The following CSMD3 variants were observed in gnomAD, a reference collection of about 807,000 sequenced individuals.
CSMD3 encodes the protein CUB and sushi domain-containing protein 3.
CSMD3 carries 177 observed loss-of-function variants against 435.2 expected under a neutral mutation model. The ratio of observed to expected loss-of-function variants is 0.41; its 90% CI spans 0.36 to 0.46. CSMD3 has a LOEUF of 0.46. Ranked by LOEUF, CSMD3 falls within the 20% of genes least tolerant of loss-of-function variation. The pLI, the probability that CSMD3 is intolerant of heterozygous loss-of-function variation, is 0.34. For missense variants in CSMD3, 4,265 were observed against 4,504.6 expected (o/e 0.95, Z 1.52); for synonymous variants, 1,656 against 1,520.5 (o/e 1.09, Z -2.07).
Position 113,009,853 on chromosome 8 carries a change from C to T in CSMD3, c.1030+9214G>A, listed in dbSNP as rs545047774. Among the ~76,000 whole-genome samples the T allele has an allele frequency of 8.0e-4, 121 of 151,728 alleles. 1 individual carries two copies. Among genetic ancestry groups the T allele is most frequent in the African/African-American group, 2.7e-3 (113 of 41,458 alleles). On this transcript the variant is annotated intron_variant, in intron 6 of 70. Transcript: ENST00000297405. Reference sequence around the variant, plus strand: ...TCCTTCTTGAGTTTTTCAATAACAGCCGGTAGTACCTGAACTAATAAAAGG... The same window carrying T: ...TCCTTCTTGAGTTTTTCAATAACAGTCGGTAGTACCTGAACTAATAAAAGG...
chr8:112,615,437 T>C (rs541454804), intron 22 of CSMD3, among the ~76,000 whole-genome samples: 1 of 152,114 alleles, frequency 6.6e-6, no homozygotes, highest in South Asian at 2.1e-4. Context: ...CCTGCAAATT[T>C]TAATTGAGAG....
chr8:113,230,543 T>C (rs16884461), intron 3 of CSMD3, among the ~76,000 whole-genome samples: 7,018 of 151,594 alleles, frequency 0.046, 545 homozygotes, highest in African/African-American at 0.16. Flanking sequence ...TCTTTGAAAG[T>C]AAAAGTATAA....
rs1478079202 is a variant in CSMD3 at position 112,311,124 on chromosome 8, A to G, written c.7739T>C (p.Ile2580Thr). ...STPESPPHGY[I>T]ISQTGGQLNS... is the part of the protein sequence containing the mutation. ...AAGCTGCCCACCTGTCTGACTGATAATATATCCATGAGGTGGGGATTCTGG... is the reference window on the plus strand; with the variant it reads ...AAGCTGCCCACCTGTCTGACTGATAGTATATCCATGAGGTGGGGATTCTGG... Residue 2580 changes from isoleucine (I) to threonine (T), a missense_variant, in exon 50 of 71, where the codon ATT becomes ACT. Around this residue, in one of 3 missense-constraint regions of CSMD3, gnomAD observed 3,255 missense variants for 3,380.2 expected, o/e 0.96. Transcript: ENST00000297405. 12 of 1,614,114 alleles carry G rather than the reference A, an allele frequency of 7.4e-6. No individual in the cohort carries two copies. The highest frequency in any genetic ancestry group is 1.0e-5 in the Non-Finnish European group (12 of 1,179,992).
intron 13 of CSMD3, among the ~76,000 whole-genome samples, chr8:112,787,210 T>G (rs1227926110): frequency 1.3e-5 from 2 of 152,134 alleles, no homozygotes; most frequent in East Asian, 1.9e-4. Context: ...GCATGTGTCT[T>G]TATAGTAGAA....
chr8:112,883,185 A>T (rs971267916), intron 10 of CSMD3, among the ~76,000 whole-genome samples: 1 of 151,980 alleles, frequency 6.6e-6, no homozygotes, highest in Non-Finnish European at 1.5e-5. Context: ...TTTTTCAAAG[A>T]GAAACTGAGA....
intron 1 of CSMD3, among the ~76,000 whole-genome samples, chr8:113,415,881 T>C (rs963080818): frequency 2.7e-4 from 41 of 152,186 alleles, no homozygotes; most frequent in African/African-American, 9.6e-4. Flanking sequence ...AATAACATAA[T>C]CAAATCAGTT....
At chr8:113,279,182 T>C (rs1267184610) in intron 2 of CSMD3, among the ~76,000 whole-genome samples, 1 of 150,208 alleles carries the variant, frequency 6.7e-6, no homozygotes, top group Non-Finnish European at 1.5e-5. Flanking sequence ...AGCGATAACA[T>C]AGTATGAGAT....
At chr8:113,232,462 C>G in intron 3 of CSMD3, among the ~76,000 whole-genome samples, 1 of 151,606 alleles carries the variant, frequency 6.6e-6, no homozygotes, top group Non-Finnish European at 1.5e-5. Context: ...TAATCTCACT[C>G]TGTAATTCTA....
At chr8:113,257,388 G>A (rs886193003) in intron 3 of CSMD3, among the ~76,000 whole-genome samples, 3 of 152,112 alleles carry the variant, frequency 2.0e-5, no homozygotes, top group African/African-American at 7.2e-5. Context: ...TCCAGCCTGG[G>A]CAACAGGGCA....
At chr8:112,707,232 T>G (rs563803414) in intron 13 of CSMD3, among the ~76,000 whole-genome samples, 1 of 152,066 alleles carries the variant, frequency 6.6e-6, no homozygotes, top group Non-Finnish European at 1.5e-5. Context: ...AAATATAATT[T>G]TGTATATCTA....
At chr8:113,380,291 A>G (rs577896449) in intron 1 of CSMD3, among the ~76,000 whole-genome samples, 1 of 151,698 alleles carries the variant, frequency 6.6e-6, no homozygotes, top group South Asian at 2.1e-4. Flanking sequence ...CTTCTTTTCA[A>G]TTAACTTCAA....
intron 53 of CSMD3, among the ~76,000 whole-genome samples, chr8:112,298,701 T>C (rs1307884901): frequency 1.3e-5 from 2 of 152,070 alleles, no homozygotes; most frequent in Non-Finnish European, 1.5e-5. Flanking sequence ...AATAAGCCTA[T>C]GAAAAACTGT....
At chr8:112,945,585 A>AAT (rs1310536473) in intron 9 of CSMD3, among the ~76,000 whole-genome samples, 5 of 101,768 alleles carry the variant, frequency 4.9e-5, no homozygotes, top group East Asian at 3.1e-4. Context: ...AGAATACAGA[A>AAT]ATATGTGTGT....
At chr8:112,817,641 G>A (rs2079412612) in intron 12 of CSMD3, among the ~76,000 whole-genome samples, 1 of 151,966 alleles carries the variant, frequency 6.6e-6, no homozygotes, top group Non-Finnish European at 1.5e-5. Flanking sequence ...CTCTAATGGT[G>A]TGAAAATGAA....
At chr8:112,359,615 A>G (rs1201310791) in intron 38 of CSMD3, among the ~76,000 whole-genome samples, 1 of 152,144 alleles carries the variant, frequency 6.6e-6, no homozygotes, top group African/African-American at 2.4e-5. Flanking sequence ...AATCATGCCA[A>G]ACTGGATGAC....
At chr8:112,291,842 A>AATT in intron 55 of CSMD3, 147 bp from the exon 56 acceptor site, 1 of 629,322 alleles carries the variant, frequency 1.6e-6, no homozygotes, top group Non-Finnish European at 2.7e-6. Flanking sequence ...CCCATGGATT[A>AATT]TCTAGAAAAT....
At chr8:112,939,316 G>GA (rs2083379603) in intron 9 of CSMD3, among the ~76,000 whole-genome samples, 1 of 151,988 alleles carries the variant, frequency 6.6e-6, no homozygotes, top group South Asian at 2.1e-4. Flanking sequence ...CATTCATTGG[G>GA]AAAACGACAG....
At chr8:113,374,893 TAAGA>T (rs1232687625) in intron 1 of CSMD3, among the ~76,000 whole-genome samples, 9 of 148,704 alleles carry the variant, frequency 6.1e-5, no homozygotes, top group African/African-American at 2.3e-4. Context: ...AGCATGAGTG[TAAGA>T]TTAATGCTGC....
At chr8:112,595,106 G>C (rs1831568122) in intron 22 of CSMD3, among the ~76,000 whole-genome samples, 1 of 148,612 alleles carries the variant, frequency 6.7e-6, no homozygotes, top group African/African-American at 2.5e-5. Flanking sequence ...CAAAGAAGTT[G>C]AAAACTTTGA....
Sources: gnomAD v4.1 joint callset for allele counts (sites outside exome capture counted in the v4.1 genomes callset) on GRCh38, gnomAD v4.1.1 for gene constraint, gnomAD v4.1.1 regional missense constraint, MANE v1.5 for transcripts, NCBI Gene and HGNC (gene_info 2026-07-23, HGNC 2026-07-21) for gene names.